CYP19A1: variants seen among roughly 807,000 people sequenced by gnomAD.
CYP19A1 encodes cytochrome P450 family 19 subfamily A member 1.
A neutral mutation model predicts 44.4 loss-of-function variants in CYP19A1; 32 were observed. The observed-to-expected ratio is 0.72, with a 90% confidence interval of 0.54 to 0.97. The LOEUF (loss-of-function observed/expected upper bound fraction) is 0.97, where lower values mean the gene tolerates loss of function less well. CYP19A1 is among the 50% of genes least tolerant of loss of function. The pLI, the probability that CYP19A1 is intolerant of heterozygous loss-of-function variation, is 0.00. For synonymous variants in CYP19A1, 212 were observed against 215.6 expected (o/e 0.98, Z 0.14); for missense variants, 598 against 637.8 (o/e 0.94, Z 0.67).
At chr15:51,270,493 T>C (rs929406298) in intron 1 of CYP19A1, among the ~76,000 whole-genome samples, 3 of 152,158 alleles carry the variant, frequency 2.0e-5, no homozygotes, top group African/African-American at 7.2e-5. Context: ...TAGAAGTTGC[T>C]GAAGAAATCT....
At chr15:51,217,789 T>C (rs1177035847) in intron 6 of CYP19A1, among the ~76,000 whole-genome samples, 2 of 152,212 alleles carry the variant, frequency 1.3e-5, no homozygotes, top group Non-Finnish European at 2.9e-5. Context: ...AGATAGGTTA[T>C]ATCTTATTTT....
At chr15:51,212,096 C>A (rs1299282302) in intron 9 of CYP19A1, among the ~76,000 whole-genome samples, 1 of 152,082 alleles carries the variant, frequency 6.6e-6, no homozygotes, top group Non-Finnish European at 1.5e-5. Context: ...TTGTGGCCAC[C>A]ATGTAGATAC....
chr15:51,326,420 G>A (rs1199484725), intron 1 of CYP19A1, among the ~76,000 whole-genome samples: 1 of 152,152 alleles, frequency 6.6e-6, no homozygotes, highest in African/African-American at 2.4e-5. Context: ...ACCCAACACA[G>A]ATCTTACAGT....
At chr15:51,303,553 G>T (rs1024025586) in intron 1 of CYP19A1, among the ~76,000 whole-genome samples, 3 of 145,616 alleles carry the variant, frequency 2.1e-5, no homozygotes, top group South Asian at 4.4e-4. Context: ...ATGTAGGTGG[G>T]TTTTTTTTTT....
At chr15:51,228,174 C>A (rs950692139) in intron 3 of CYP19A1, among the ~76,000 whole-genome samples, 2 of 152,216 alleles carry the variant, frequency 1.3e-5, no homozygotes, top group Non-Finnish European at 2.9e-5. Flanking sequence ...AACACACACA[C>A]ACACCCATAT....
chr15:51,230,197 G>A (rs2032918342), intron 3 of CYP19A1, among the ~76,000 whole-genome samples: 1 of 152,232 alleles, frequency 6.6e-6, no homozygotes, highest in South Asian at 2.1e-4. Flanking sequence ...TGAAGAGAAG[G>A]TCAGTGATGA....
chr15:51,325,981 A>C (rs962933783), intron 1 of CYP19A1, among the ~76,000 whole-genome samples: 1 of 152,172 alleles, frequency 6.6e-6, no homozygotes, highest in Non-Finnish European at 1.5e-5. Flanking sequence ...ATTTTATAAT[A>C]AAGTGTTGAA....
At chr15:51,310,740 G>T (rs990651798) in intron 1 of CYP19A1, among the ~76,000 whole-genome samples, 1 of 152,300 alleles carries the variant, frequency 6.6e-6, no homozygotes, top group South Asian at 2.1e-4. Context: ...CTCCAGCTCT[G>T]AGAGAAATCC....
chr15:51,267,700 A>G (rs1441646377), intron 1 of CYP19A1, among the ~76,000 whole-genome samples: 1 of 152,228 alleles, frequency 6.6e-6, no homozygotes. Context: ...ACAATACACG[A>G]ATTTGAAGGA....
At chr15:51,272,345 C>G (rs1327118902) in intron 1 of CYP19A1, among the ~76,000 whole-genome samples, 1 of 152,214 alleles carries the variant, frequency 6.6e-6, no homozygotes, top group African/African-American at 2.4e-5. Context: ...TGAGCTTCTT[C>G]AAGACAAGGA....
intron 2 of CYP19A1, among the ~76,000 whole-genome samples, chr15:51,239,837 A>G (rs1385115274): frequency 6.6e-6 from 1 of 152,126 alleles, no homozygotes; most frequent in African/African-American, 2.4e-5. Flanking sequence ...AAAAAGAGGA[A>G]TGTCAGTTGC....
intron 1 of CYP19A1, among the ~76,000 whole-genome samples, chr15:51,311,879 C>G (rs778271336): frequency 1.9e-4 from 29 of 152,216 alleles, no homozygotes; most frequent in Non-Finnish European, 3.2e-4. Context: ...TGAAAAAAAT[C>G]TCAGGGTTGA....
At chr15:51,325,076 G>T (rs557729658) in intron 1 of CYP19A1, among the ~76,000 whole-genome samples, 7 of 152,146 alleles carry the variant, frequency 4.6e-5, no homozygotes, top group African/African-American at 1.2e-4. Flanking sequence ...TCCAAGTTTA[G>T]GGCACACGGT....
intron 4 of CYP19A1, among the ~76,000 whole-genome samples, chr15:51,225,026 C>A (rs2032453278): frequency 1.3e-5 from 2 of 152,176 alleles, no homozygotes. Context: ...GTCTCCCCTG[C>A]CCCTCAATGT....
chr15:51,267,367 T>G (rs1334665280), intron 1 of CYP19A1, among the ~76,000 whole-genome samples: 1 of 152,138 alleles, frequency 6.6e-6, no homozygotes, highest in African/African-American at 2.4e-5. Context: ...GGAAAAAGCC[T>G]TTCCCTTTCT....
At chr15:51,268,573 T>C (rs1566904172) in intron 1 of CYP19A1, among the ~76,000 whole-genome samples, 1 of 143,614 alleles carries the variant, frequency 7.0e-6, no homozygotes, top group African/African-American at 2.5e-5. Context: ...TGGATGTCAG[T>C]GCACAAGTCT....
chr15:51,310,357 C>T (rs2036290061), intron 1 of CYP19A1, among the ~76,000 whole-genome samples: 1 of 152,150 alleles, frequency 6.6e-6, no homozygotes, highest in Non-Finnish European at 1.5e-5. Flanking sequence ...GGCTTTGGCC[C>T]AAGGGTGAGC....
At chr15:51,279,850 T>C (rs1263935601) in intron 1 of CYP19A1, 2 of 152,246 alleles carry the variant, frequency 1.3e-5, no homozygotes, top group Non-Finnish European at 2.9e-5. Context: ...GGCTGTGAAC[T>C]CACTTTATGT....
At chr15:51,326,752 C>T (rs1327080014) in intron 1 of CYP19A1, among the ~76,000 whole-genome samples, 1 of 152,110 alleles carries the variant, frequency 6.6e-6, no homozygotes, top group Non-Finnish European at 1.5e-5. Context: ...ATAATGATAC[C>T]ATCTAACAAA....
Sources: gnomAD v4.1 joint callset for allele counts (sites outside exome capture counted in the v4.1 genomes callset) on GRCh38, gnomAD v4.1.1 for gene constraint, MANE v1.5 for transcripts, NCBI Gene and HGNC (gene_info 2026-07-23, HGNC 2026-07-21) for gene names.